Variants in ATP8A2 observed in about 807,000 individuals in gnomAD.
The protein encoded by ATP8A2 is ATPase phospholipid transporting 8A2, also known as phospholipid-transporting ATPase IB.
Under a neutral mutation model 165.6 loss-of-function variants are expected in ATP8A2, and 100 were observed. The observed-to-expected ratio is 0.60, with a 90% CI of 0.51 to 0.71. The LOEUF (loss-of-function observed/expected upper bound fraction) is 0.71, where lower values mean the gene tolerates loss of function less well. ATP8A2 is among the 30% of genes least tolerant of loss of function. The pLI is 0.00. For missense variants in ATP8A2, 1,227 were observed against 1,479.5 expected, an observed-to-expected ratio of 0.83 and a Z score of 2.80; for synonymous variants, 543 against 548.8, an observed-to-expected ratio of 0.99 and a Z score of 0.15.
chr13:25,802,956 A>AGTT (rs200620579), intron 27 of ATP8A2, among the ~76,000 whole-genome samples: 25 of 140,758 alleles, frequency 1.8e-4, no homozygotes, highest in Admixed American at 3.6e-4. Flanking sequence ...CTCAAAGGTG[A>AGTT]GTTTTTTTTT....
intron 24 of ATP8A2, among the ~76,000 whole-genome samples, chr13:25,633,271 C>A (rs2041288446): frequency 1.3e-5 from 2 of 152,126 alleles, no homozygotes; most frequent in African/African-American, 2.4e-5. Flanking sequence ...AAATTCCTTC[C>A]CTCCTGGAGG....
In ATP8A2 at chr13:25,931,821, C is replaced by G. The variant is rs549837227; in HGVS notation, c.3184-29754C>G. Among the ~76,000 whole-genome samples, 344 of 151,882 alleles carry G rather than the reference C, an allele frequency of 2.3e-3. 1 individual carries two copies. Among genetic ancestry groups the G allele is most frequent in the African/African-American group, 8.0e-3 (329 of 41,382 alleles). ...CAGCACTTTGGGAGGCCGAGGCGGG[C>G]GTTTCACCTGAAGTCAGGAGTTCGA... On this transcript the variant is annotated intron_variant, in intron 33 of 36. Coordinates refer to ENST00000381655, the MANE Select transcript of ATP8A2 (RefSeq NM_016529.6).
chr13:25,554,882 T>A, intron 12 of ATP8A2, 109 bp from the exon 13 acceptor site: 1 of 699,258 alleles, frequency 1.4e-6, no homozygotes, highest in Non-Finnish European at 2.3e-6. Context: ...TCTATTAAAA[T>A]AAAAGGGTTT....
At chr13:25,951,662 A>T (rs1215415060) in intron 33 of ATP8A2, among the ~76,000 whole-genome samples, 1 of 152,090 alleles carries the variant, frequency 6.6e-6, no homozygotes, top group East Asian at 1.9e-4. Context: ...TTCCTGGGGG[A>T]TGTATATGCT....
At chr13:25,666,492 A>G (rs565184680) in intron 24 of ATP8A2, among the ~76,000 whole-genome samples, 90 of 152,164 alleles carry the variant, frequency 5.9e-4, no homozygotes, top group Admixed American at 2.2e-3. Context: ...CACCCACCTC[A>G]GGCTCCCAAA....
In ATP8A2 at chr13:25,773,619, G is replaced by A. The variant is rs114387264; in HGVS notation, c.2569-1230G>A. Among the ~76,000 whole-genome samples, 622 of 152,298 alleles carry A rather than the reference G, an allele frequency of 4.1e-3. 4 individuals carry two copies. The highest frequency in any genetic ancestry group is 0.014 in the African/African-American group (593 of 41,550). On this transcript the variant is annotated intron_variant, in intron 26 of 36. Transcript: ENST00000381655. Reference sequence around the variant, plus strand: ...GCAGCCCCTGACTGCATAGCACTCTGGCCAGAGGGGCTCTGTACTGGTTGG... The same window carrying A: ...GCAGCCCCTGACTGCATAGCACTCTAGCCAGAGGGGCTCTGTACTGGTTGG...
intron 34 of ATP8A2, among the ~76,000 whole-genome samples, chr13:25,964,381 C>T (rs1955728004): frequency 6.6e-6 from 1 of 152,148 alleles, no homozygotes; most frequent in Non-Finnish European, 1.5e-5. Flanking sequence ...TCCCTTTGAT[C>T]GTGAGGCCCA....
rs1287028827 is a variant in ATP8A2 at position 25,543,349 on chromosome 13, C to G, written c.838C>G (p.Gln280Glu). 3 of 1,613,400 alleles carry G rather than the reference C, an allele frequency of 1.9e-6. No homozygotes were observed. The highest frequency in any genetic ancestry group is 2.5e-6 in the Non-Finnish European group (3 of 1,179,560). ...LLRGTQLRNT[Q>E]WVFGIVVYTG... is the part of the protein sequence containing the mutation. ...AAGAGGTACACAGCTTAGAAATACT[C>G]AGTGGGTCTTTGGCATAGTTGTTTA... The change falls in exon 10 of 37, where the codon CAG (glutamine) becomes GAG (glutamate). Residue 280 changes from glutamine to glutamate, a missense_variant. Physicochemically the swap from Gln to Glu is conservative, Grantham distance 29. This residue lies in a region of ATP8A2 where 356 missense variants were observed against 394.9 expected (regional missense o/e 0.90). Transcript: ENST00000381655.
Position 25,806,963 on chromosome 13 carries a change from G to A in ATP8A2, c.2680-21155G>A, listed in dbSNP as rs1014257873. Among the ~76,000 whole-genome samples the A allele has an allele frequency of 3.6e-4, 54 of 152,034 alleles. 1 individual carries two copies. The highest frequency in any genetic ancestry group is 9.7e-4 in the African/African-American group (40 of 41,414). ...ACATCTTTTCATGTGGTTATTAGCC[G>A]TTTATATATCATCTTTGGAGCAATG... On this transcript the variant is annotated intron_variant, in intron 27 of 36. Transcript: ENST00000381655.
chr13:25,406,286 C>A (rs971775454), intron 1 of ATP8A2, among the ~76,000 whole-genome samples: 2 of 152,134 alleles, frequency 1.3e-5, no homozygotes, highest in South Asian at 2.1e-4. Context: ...GGCTTACAGA[C>A]TATAGGGGAC....
chr13:25,403,349 A>G (rs1414979755), intron 1 of ATP8A2, among the ~76,000 whole-genome samples: 1 of 152,178 alleles, frequency 6.6e-6, no homozygotes, highest in African/African-American at 2.4e-5. Context: ...AGCGGGAGGA[A>G]GAGACTAAGA....
At chr13:25,501,413 G>A (rs1036096539) in intron 2 of ATP8A2, among the ~76,000 whole-genome samples, 1 of 152,176 alleles carries the variant, frequency 6.6e-6, no homozygotes, top group Non-Finnish European at 1.5e-5. Flanking sequence ...CTGGTTGTCT[G>A]GCATCTGGCT....
At chr13:25,416,040 C>T (rs1488504912) in intron 1 of ATP8A2, among the ~76,000 whole-genome samples, 1 of 152,206 alleles carries the variant, frequency 6.6e-6, no homozygotes, top group Non-Finnish European at 1.5e-5. Flanking sequence ...GTTGCCTGGG[C>T]TCATCTCAAA....
At chr13:25,984,811 GGCAGCATGATCAC>G (rs1566327313) in intron 35 of ATP8A2, among the ~76,000 whole-genome samples, 1 of 152,064 alleles carries the variant, frequency 6.6e-6, no homozygotes, top group African/African-American at 2.4e-5. Context: ...TCAAGATCTC[GGCAGCATGATCAC>G]GCAGAAACAA....
intron 34 of ATP8A2, among the ~76,000 whole-genome samples, chr13:25,966,401 A>G (rs1955778107): frequency 6.6e-6 from 1 of 152,188 alleles, no homozygotes; most frequent in Non-Finnish European, 1.5e-5. Context: ...GACCACTCAC[A>G]TGTAGCCTTT....
rs561967569 is a variant in ATP8A2 at position 25,493,861 on chromosome 13, C to T, written c.221+24740C>T. On this transcript the variant is annotated intron_variant, in intron 2 of 36. Coordinates refer to ENST00000381655, the MANE Select transcript of ATP8A2 (RefSeq NM_016529.6). ...AGCCCTGGGAGGTGTAGGGGCTAAC[C>T]AGGAAAGGAGGGCTGCCAGTAGGTG... Among the ~76,000 whole-genome samples, 108 of 152,154 alleles carry T rather than the reference C, an allele frequency of 7.1e-4. 1 individual carries two copies. Among genetic ancestry groups the T allele is most frequent in the South Asian group, 2.3e-3 (11 of 4,806 alleles).
chr13:25,635,976 C>G (rs1013968389), intron 24 of ATP8A2, among the ~76,000 whole-genome samples: 12 of 152,102 alleles, frequency 7.9e-5, no homozygotes, highest in African/African-American at 2.7e-4. Flanking sequence ...ACTAAAGCTT[C>G]AAGTCCAGAT....
At chr13:25,617,869 CT>C (rs2040866364) in intron 24 of ATP8A2, among the ~76,000 whole-genome samples, 1 of 152,084 alleles carries the variant, frequency 6.6e-6, no homozygotes, top group African/African-American at 2.4e-5. Context: ...CACCTAAAAT[CT>C]TATGAGTTGA....
At chr13:26,007,060 T>C (rs570960099) in intron 35 of ATP8A2, among the ~76,000 whole-genome samples, 5 of 152,198 alleles carry the variant, frequency 3.3e-5, no homozygotes, top group African/African-American at 9.6e-5. Context: ...TCTTTTCTTC[T>C]CATTATTTCA....
Sources: gnomAD v4.1 joint callset for allele counts (sites outside exome capture counted in the v4.1 genomes callset) on GRCh38, gnomAD v4.1.1 for gene constraint, gnomAD v4.1.1 regional missense constraint, MANE v1.5 for transcripts, NCBI Gene and HGNC (gene_info 2026-07-23, HGNC 2026-07-21) for gene names.